Variants in FAM13C observed in about 807,000 individuals in gnomAD.
The protein encoded by FAM13C is protein FAM13C.
Under a neutral mutation model 73.2 loss-of-function variants are expected in FAM13C, and 37 were observed. The ratio of observed to expected loss-of-function variants is 0.51; its 90% CI spans 0.39 to 0.67. FAM13C has a LOEUF of 0.67. Among genes scored for constraint, FAM13C ranks in the 30% least tolerant of loss-of-function variants. The probability of loss-of-function intolerance (pLI) is 0.00; values close to 1 mark genes in which losing one functional copy is unlikely to be tolerated. For missense variants in FAM13C, 589 were observed against 715.6 expected (o/e 0.82, Z 2.02); for synonymous variants, 246 against 260.9 (o/e 0.94, Z 0.55).
intron 5 of FAM13C, among the ~76,000 whole-genome samples, chr10:59,287,590 TC>T (rs1344759474): frequency 1.1e-4 from 16 of 152,122 alleles, no homozygotes; most frequent in Non-Finnish European, 2.9e-5. Context: ...AGAGGGAATG[TC>T]AGCTTTGCTA....
chr10:59,276,889 G>A (rs1354317015), intron 6 of FAM13C, among the ~76,000 whole-genome samples: 1 of 152,188 alleles, frequency 6.6e-6, no homozygotes, highest in Non-Finnish European at 1.5e-5. Flanking sequence ...ATGCAGCTAA[G>A]GGAAGAGATT....
intron 13 of FAM13C, among the ~76,000 whole-genome samples, chr10:59,249,522 C>T (rs1589325441): frequency 6.6e-6 from 1 of 151,726 alleles, no homozygotes; most frequent in Admixed American, 6.6e-5. Flanking sequence ...TAGCACACTT[C>T]CAGGCTAATA....
rs189641735 is a variant in FAM13C, at chr10:59,325,347, A to G, written c.325-1241T>C. ...CATCACAAGCCTCTACAACAAAATC[A>G]TATGAATGCCTTCATACAAAAGGGG... On this transcript the variant is annotated intron_variant, in intron 3 of 13. Transcript: ENST00000618804. 3.5e-3 allele frequency among the ~76,000 whole-genome samples: 537 copies of G among 152,272 alleles called. 5 individuals carry two copies. The highest frequency in any genetic ancestry group is 6.1e-3 in the Non-Finnish European group (416 of 68,024).
chr10:59,347,781 G>A (rs542900443), intron 3 of FAM13C, among the ~76,000 whole-genome samples: 1 of 151,404 alleles, frequency 6.6e-6, no homozygotes, highest in African/African-American at 2.4e-5. Context: ...TGCAGTGTTT[G>A]GTTTTCTGTT....
rs575042273 is a variant in FAM13C, at chr10:59,352,528, T to G, written c.120-54A>C. 1.7e-5 allele frequency: 25 copies of G among 1,492,910 alleles called. 1 individual carries two copies. The South Asian group carries it at 2.8e-4, about 17-fold the overall frequency. 92.5% of individuals were successfully genotyped at this position (1,492,910 alleles called of 1,614,324 possible). On this transcript the variant is annotated intron_variant, in intron 2 of 13. Coordinates refer to ENST00000618804, the MANE Select transcript of FAM13C (RefSeq NM_198215.4). ...GTACCTTAAAAAAAGATGAATAAAC[T>G]GCTGCAGGAAAGAGGGCTGGAGATA... is the stretch of plus-strand genomic sequence containing the variant.
chr10:59,250,543 GA>G (rs1275711844), intron 13 of FAM13C, among the ~76,000 whole-genome samples: 1 of 152,162 alleles, frequency 6.6e-6, no homozygotes, highest in Non-Finnish European at 1.5e-5. Flanking sequence ...GGCTAAAATG[GA>G]AAACCTGCCA....
At position 59,329,450 on chromosome 10, in the gene FAM13C, C is replaced by T. The variant is rs1436747868; in HGVS notation, c.325-5344G>A. On this transcript the variant is annotated intron_variant, in intron 3 of 13. Coordinates refer to ENST00000618804, the MANE Select transcript of FAM13C (RefSeq NM_198215.4). ...TCTCGACTCACTGCAAATTCTGCGT[C>T]CCAGGTTCAAGCGATTCTCCTGCCT... Among the ~76,000 whole-genome samples, 5 of 144,536 alleles carry T rather than the reference C, an allele frequency of 3.5e-5. No individual in the cohort carries two copies. The East Asian group carries it at 1.1e-3, about 30-fold the overall frequency. 94.8% of individuals were successfully genotyped at this position (144,536 alleles called of 152,430 possible).
chr10:59,262,475 T>C lies in FAM13C; in HGVS notation c.1195A>G (p.Lys399Glu). The C allele has an allele frequency of 1.2e-6, 2 of 1,613,756 alleles. No homozygotes were observed. The highest frequency in any genetic ancestry group is 1.7e-6 in the Non-Finnish European group (2 of 1,179,760). Residue 399 changes from lysine to glutamate, a missense_variant, in exon 10 of 14, where the codon AAG becomes GAG. Transcript: ENST00000618804. ...GGAGGAAGTTGCTCTCTTCTCTCCTTCAGGCATGTCAAGGCAGCATCTGGA... is the reference window on the plus strand; with the variant it reads ...GGAGGAAGTTGCTCTCTTCTCTCCTCCAGGCATGTCAAGGCAGCATCTGGA... ...ETPDAALTCL[K>E]ERREQLPPQE...
Position 59,264,159 on chromosome 10 carries a change from T to C in FAM13C, c.950A>G (p.His317Arg). 1.3e-6 allele frequency: 2 copies of C among 1,591,198 alleles called. No homozygotes were observed. The highest frequency in any genetic ancestry group is 1.7e-6 in the Non-Finnish European group (2 of 1,172,822). Residue 317 changes from histidine to arginine, a missense_variant, in exon 9 of 14, where the codon CAT becomes CGT. Transcript: ENST00000618804. ...FEQEKKYRPS[H>R]GDKTSNPEVL... ...TTCAGGATTAGAAGTCTTGTCACCA[T>C]GTGAAGGCTACCAAGGGAAGGAAAA... is the stretch of plus-strand genomic sequence containing the variant.
chr10:59,303,680 G>A (rs1029989444), intron 4 of FAM13C, among the ~76,000 whole-genome samples: 1 of 152,192 alleles, frequency 6.6e-6, no homozygotes, highest in African/African-American at 2.4e-5. Flanking sequence ...GTTGGGAGGT[G>A]GGGCCTAGTG....
intron 3 of FAM13C, among the ~76,000 whole-genome samples, chr10:59,349,448 A>C (rs913611978): frequency 2.0e-5 from 3 of 152,216 alleles, no homozygotes; most frequent in Non-Finnish European, 1.5e-5. Flanking sequence ...CACTAGCCCA[A>C]GATCAAGAGG....
intron 3 of FAM13C, among the ~76,000 whole-genome samples, chr10:59,335,883 A>C (rs1852657397): frequency 6.6e-6 from 1 of 152,226 alleles, no homozygotes; most frequent in Non-Finnish European, 1.5e-5. Context: ...TATTAGCATA[A>C]ATCATTAACA....
intron 4 of FAM13C, among the ~76,000 whole-genome samples, chr10:59,314,420 G>A (rs181974927): frequency 2.6e-5 from 4 of 152,294 alleles, no homozygotes; most frequent in African/African-American, 7.2e-5. Flanking sequence ...GCCCAGAGAG[G>A]TTAGGGAATC....
intron 6 of FAM13C, chr10:59,270,322 A>C (rs1206389235): frequency 1.8e-6 from 1 of 562,034 alleles, no homozygotes; most frequent in African/African-American, 1.9e-5. Flanking sequence ...AAAACAAAGG[A>C]AACAAATAAG....
At chr10:59,321,352 C>T (rs192297460) in intron 4 of FAM13C, among the ~76,000 whole-genome samples, 9 of 151,250 alleles carry the variant, frequency 6.0e-5, no homozygotes, top group Non-Finnish European at 1.2e-4. Context: ...ATGTGGGCAG[C>T]CTCTGGAAAC....
intron 5 of FAM13C, among the ~76,000 whole-genome samples, chr10:59,294,291 G>A (rs1564538675): frequency 6.6e-6 from 1 of 152,146 alleles, no homozygotes; most frequent in Non-Finnish European, 1.5e-5. Context: ...ATGAAAGAAT[G>A]AGCAACAAGA....
At chr10:59,321,697 A>G (rs1008110420) in intron 4 of FAM13C, among the ~76,000 whole-genome samples, 2 of 152,042 alleles carry the variant, frequency 1.3e-5, no homozygotes, top group Non-Finnish European at 2.9e-5. Flanking sequence ...AGCTGTAGGT[A>G]TGAAATTATT....
At chr10:59,347,446 G>A (rs535719938) in intron 3 of FAM13C, among the ~76,000 whole-genome samples, 1 of 152,054 alleles carries the variant, frequency 6.6e-6, no homozygotes, top group Non-Finnish European at 1.5e-5. Context: ...TCAGAATAAA[G>A]GTAAGAAAAG....
At chr10:59,261,426 C>A (rs1842491919) in intron 10 of FAM13C, among the ~76,000 whole-genome samples, 1 of 152,054 alleles carries the variant, frequency 6.6e-6, no homozygotes, top group Non-Finnish European at 1.5e-5. Context: ...ATGATTAATA[C>A]CAGGTAATGT....
Sources: gnomAD v4.1 joint callset for allele counts (sites outside exome capture counted in the v4.1 genomes callset) on GRCh38, gnomAD v4.1.1 for gene constraint, MANE v1.5 for transcripts, NCBI Gene and HGNC (gene_info 2026-07-23, HGNC 2026-07-21) for gene names.